The following SPAG16 variants were observed in gnomAD, a reference collection of about 807,000 sequenced individuals.
SPAG16 encodes sperm associated antigen 16.
A neutral mutation model predicts 80.4 loss-of-function variants in SPAG16; 86 were observed. The ratio of observed to expected loss-of-function variants is 1.07; its 90% CI spans 0.90 to 1.28. SPAG16 has a LOEUF of 1.28. SPAG16 is among the 50% of genes most tolerant of loss of function. The pLI is 0.00. For synonymous variants in SPAG16, 294 were observed against 265.9 expected (o/e 1.11, Z -1.03); for missense variants, 870 against 765.3 (o/e 1.14, Z -1.61).
chr2:214,258,000 A>G (rs1013292881), intron 15 of SPAG16, among the ~76,000 whole-genome samples: 3 of 152,094 alleles, frequency 2.0e-5, no homozygotes, highest in African/African-American at 7.2e-5. Flanking sequence ...AGCTACTCAG[A>G]TTTTATTATT....
At chr2:214,348,116 C>T (rs76523775) in intron 15 of SPAG16, among the ~76,000 whole-genome samples, 4,013 of 152,220 alleles carry the variant, frequency 0.026, 202 homozygotes, top group East Asian at 0.22. Context: ...CCATTGTATA[C>T]GGGTTGTGTG....
intron 10 of SPAG16, among the ~76,000 whole-genome samples, chr2:213,577,008 T>C (rs554717979): frequency 6.6e-6 from 1 of 152,242 alleles, no homozygotes; most frequent in South Asian, 2.1e-4. Context: ...ATTTCTTTGC[T>C]ACCCATGTAT....
intron 10 of SPAG16, among the ~76,000 whole-genome samples, chr2:213,728,702 CCT>C (rs898519025): frequency 5.9e-5 from 9 of 151,622 alleles, no homozygotes; most frequent in African/African-American, 1.9e-4. Context: ...ACGGTGAAAC[CCT>C]GTCTCTACTA....
chr2:213,377,809 A>C (rs1296383924), intron 9 of SPAG16, among the ~76,000 whole-genome samples: 1 of 151,984 alleles, frequency 6.6e-6, no homozygotes, highest in African/African-American at 2.4e-5. Context: ...ACTTGGCAAA[A>C]TCAGAAAGCT....
intron 15 of SPAG16, among the ~76,000 whole-genome samples, chr2:214,222,437 T>C (rs2058603346): frequency 6.6e-6 from 1 of 152,132 alleles, no homozygotes; most frequent in South Asian, 2.1e-4. Flanking sequence ...GAGCACATTG[T>C]AGTAAAATGA....
chr2:214,261,107 C>CAAAAAAAAAAAAAAAAAAAAAAAAAAAA (rs558534808), intron 15 of SPAG16, among the ~76,000 whole-genome samples: 2 of 54,470 alleles, frequency 3.7e-5, no homozygotes, highest in Non-Finnish European at 3.2e-5. Flanking sequence ...GACTCAGTCT[C>CAAAAAAAAAAAAAAAAAAAAAAAAAAAA]AAAAAAAAAA....
intron 15 of SPAG16, among the ~76,000 whole-genome samples, chr2:214,359,540 C>T (rs993437762): frequency 2.0e-5 from 3 of 151,894 alleles, no homozygotes; most frequent in African/African-American, 7.2e-5. Context: ...ATTTAATTCT[C>T]ATAGGCATGC....
intron 10 of SPAG16, among the ~76,000 whole-genome samples, chr2:213,847,955 A>C (rs550565752): frequency 2.8e-4 from 42 of 152,294 alleles, no homozygotes; most frequent in Middle Eastern, 3.4e-3. Context: ...TAATTTTGAG[A>C]GGGGTATGTG....
At chr2:213,973,388 G>A (rs770738872) in intron 12 of SPAG16, among the ~76,000 whole-genome samples, 12 of 152,030 alleles carry the variant, frequency 7.9e-5, no homozygotes, top group Admixed American at 5.3e-4. Flanking sequence ...TCTGCTCTTG[G>A]TGGGATCCAA....
chr2:213,402,825 G>A (rs1194419204), intron 9 of SPAG16, among the ~76,000 whole-genome samples: 10 of 152,168 alleles, frequency 6.6e-5, no homozygotes, highest in African/African-American at 9.6e-5. Flanking sequence ...CCAGTCTATC[G>A]TTGTTGGACA....
intron 9 of SPAG16, among the ~76,000 whole-genome samples, chr2:213,474,629 A>G (rs1341665589): frequency 6.6e-6 from 1 of 152,204 alleles, no homozygotes; most frequent in African/African-American, 2.4e-5. Flanking sequence ...TATTAGAAGT[A>G]GAGTCCTTAG....
intron 10 of SPAG16, among the ~76,000 whole-genome samples, chr2:213,742,315 A>G (rs2067591364): frequency 6.6e-6 from 1 of 152,130 alleles, no homozygotes. Flanking sequence ...CCTTTCAAGA[A>G]TACAAGGACA....
intron 15 of SPAG16, among the ~76,000 whole-genome samples, chr2:214,309,590 T>A (rs1334375085): frequency 6.6e-6 from 1 of 152,168 alleles, no homozygotes; most frequent in Non-Finnish European, 1.5e-5. Flanking sequence ...TCCTATTTGA[T>A]GACCATGAGG....
At chr2:213,799,123 T>C (rs901736937) in intron 10 of SPAG16, among the ~76,000 whole-genome samples, 7 of 152,146 alleles carry the variant, frequency 4.6e-5, no homozygotes, top group African/African-American at 1.7e-4. Context: ...AGCAGAGATT[T>C]TGATAGAGAT....
chr2:213,582,451 C>A (rs1355679453), intron 10 of SPAG16, among the ~76,000 whole-genome samples: 1 of 151,960 alleles, frequency 6.6e-6, no homozygotes, highest in East Asian at 1.9e-4. Context: ...AAACATGAGG[C>A]CTTGAGGTCA....
chr2:213,494,611 G>A (rs1056861322), intron 10 of SPAG16, among the ~76,000 whole-genome samples: 5 of 152,034 alleles, frequency 3.3e-5, no homozygotes, highest in African/African-American at 1.2e-4. Context: ...AATTTACCCT[G>A]TCTTACCCCA....
At chr2:213,720,172 A>G (rs375941094) in intron 10 of SPAG16, among the ~76,000 whole-genome samples, 5 of 152,146 alleles carry the variant, frequency 3.3e-5, no homozygotes, top group African/African-American at 1.2e-4. Flanking sequence ...AACATCACAC[A>G]CCAGGGCCTT....
intron 13 of SPAG16, among the ~76,000 whole-genome samples, chr2:214,106,094 C>T (rs1451699557): frequency 6.6e-6 from 1 of 151,938 alleles, no homozygotes; most frequent in South Asian, 2.1e-4. Context: ...TAGCGATTCT[C>T]AAGTTAGAAA....
intron 10 of SPAG16, among the ~76,000 whole-genome samples, chr2:213,686,857 G>A (rs1280130860): frequency 2.0e-5 from 3 of 151,434 alleles, no homozygotes; most frequent in African/African-American, 7.3e-5. Flanking sequence ...CTAAGTTTTT[G>A]TATTTTTAGC....
Sources: gnomAD v4.1 joint callset for allele counts (sites outside exome capture counted in the v4.1 genomes callset) on GRCh38, gnomAD v4.1.1 for gene constraint, MANE v1.5 for transcripts, NCBI Gene and HGNC (gene_info 2026-07-23, HGNC 2026-07-21) for gene names.